The following FAM171B variants were observed in gnomAD, a reference collection of about 807,000 sequenced individuals.
FAM171B encodes the protein protein FAM171B.
Under a neutral mutation model 75.6 loss-of-function variants are expected in FAM171B, and 19 were observed. The ratio of observed to expected loss-of-function variants is 0.25; its 90% confidence interval spans 0.18 to 0.37. The LOEUF (loss-of-function observed/expected upper bound fraction) is 0.37, where lower values mean the gene tolerates loss of function less well. Among genes scored for constraint, FAM171B ranks in the 10% least tolerant of loss-of-function variants. FAM171B has a pLI of 1.00. For missense variants in FAM171B, 848 were observed against 982.4 expected (o/e 0.86, Z 1.83); for synonymous variants, 367 against 361.7 (o/e 1.01, Z -0.17).
chr2:186,709,989 A>C (rs2105774313), intron 1 of FAM171B, among the ~76,000 whole-genome samples: 1 of 152,336 alleles, frequency 6.6e-6, no homozygotes, highest in East Asian at 1.9e-4. Flanking sequence ...AGATTCACTC[A>C]TAGCAAGAGG....
At position 186,738,454 on chromosome 2, in the gene FAM171B, G is replaced by C. The variant is rs538755982; in HGVS notation, c.239-1774G>C. 2.0e-5 allele frequency among the ~76,000 whole-genome samples: 3 copies of C among 152,174 alleles called. No individual in the cohort carries two copies. In the East Asian group the frequency reaches 5.8e-4, roughly 29 times the overall value. On this transcript the variant is annotated intron_variant, in intron 1 of 7. Coordinates refer to ENST00000304698, the MANE Select transcript of FAM171B (RefSeq NM_177454.4). ...CTGGAGTTTTTGTGGGCTTAGAATG[G>C]GGGAGTGCATGCAGAATAGTCCATG...
In FAM171B at chr2:186,742,702, G is replaced by A. The variant is rs539425157; in HGVS notation, c.473-781G>A. On this transcript the variant is annotated intron_variant, in intron 2 of 7. Coordinates refer to ENST00000304698, the MANE Select transcript of FAM171B (RefSeq NM_177454.4). ...TCAAACGAGAACTCGTGCTTTGGGA[G>A]CTCCTCAAAACTGATTTTTCTTTTG... 3.9e-5 allele frequency among the ~76,000 whole-genome samples: 6 copies of A among 152,160 alleles called. 1 individual carries two copies. The highest frequency in any genetic ancestry group is 1.2e-4 in the African/African-American group (5 of 41,436).
At chr2:186,724,714 A>G (rs976653100) in intron 1 of FAM171B, among the ~76,000 whole-genome samples, 18 of 152,274 alleles carry the variant, frequency 1.2e-4, no homozygotes, top group Non-Finnish European at 2.4e-4. Context: ...TTTCAGAGAG[A>G]AGACAATTCT....
chr2:186,735,287 T>C (rs1362156258), intron 1 of FAM171B, among the ~76,000 whole-genome samples: 2 of 152,152 alleles, frequency 1.3e-5, no homozygotes, highest in Non-Finnish European at 2.9e-5. Context: ...GATGAAATCA[T>C]AGGGAGTCAA....
chr2:186,751,426 T>G, intron 5 of FAM171B, 122 bp downstream of exon 5: 2 of 849,700 alleles, frequency 2.4e-6, no homozygotes, highest in Non-Finnish European at 3.3e-6. Flanking sequence ...ATGTATTTGT[T>G]AGTGACCAAA....
chr2:186,712,446 A>G (rs552360583), intron 1 of FAM171B, among the ~76,000 whole-genome samples: 11 of 152,342 alleles, frequency 7.2e-5, no homozygotes, highest in Non-Finnish European at 1.6e-4. Context: ...AGTGCTAGAC[A>G]CATAATAGGT....
chr2:186,761,501 A>G lies in FAM171B; in HGVS notation c.1159A>G (p.Lys387Glu). 6.3e-7 allele frequency: 1 copy of G among 1,581,070 alleles called. No homozygotes were observed. Among genetic ancestry groups the G allele is most frequent in the South Asian group, 1.2e-5 (1 of 84,038 alleles). ...YCRDKCGTPQ[K>E]RERNITKLEV... ...TAGGGACAAGTGTGGTACTCCACAGAAAAGAGAAAGAAATATCACTAAACT... is the reference window on the plus strand; with the variant it reads ...TAGGGACAAGTGTGGTACTCCACAGGAAAGAGAAAGAAATATCACTAAACT... The change falls in exon 8 of 8, where the codon AAA becomes GAA. Residue 387 changes from lysine to glutamate, a missense_variant. Lys to Glu is a moderately conservative substitution (Grantham distance 56). Around this residue, in one of 3 missense-constraint regions of FAM171B, gnomAD observed 665 missense variants for 729.0 expected, o/e 0.91. Transcript: ENST00000304698.
chr2:186,746,834 G>T (rs1315562157), intron 3 of FAM171B, among the ~76,000 whole-genome samples: 1 of 152,202 alleles, frequency 6.6e-6, no homozygotes, highest in Non-Finnish European at 1.5e-5. Context: ...GCTAAAAATG[G>T]TCAGTTTGGG....
Position 186,764,439 on chromosome 2 carries a change from T to C in FAM171B, c.*1616T>C, listed in dbSNP as rs1014189578. 6 of 150,778 alleles carry C rather than the reference T, an allele frequency of 4.0e-5. No homozygotes were observed. The highest frequency in any genetic ancestry group is 1.5e-4 in the African/African-American group (6 of 41,218). The allele number at this position is 150,778 out of a possible 1,614,324, so 9.3% of individuals were successfully genotyped here. ...TTACCCCAATCCATAGAAGAAATAA[T>C]GTTTTGGGTAATACCTAGGCTTCCT... On this transcript the variant is annotated 3_prime_UTR_variant, in exon 8 of 8. Transcript: ENST00000304698.
Position 186,762,654 on chromosome 2 carries a change from T to A in FAM171B, c.2312T>A (p.Ile771Asn). ...RHILDGGSGV[I>N]MEHPGEESPG... ...ATCCTAGATGGAGGGAGTGGAGTGATCATGGAGCACCCTGGAGAAGAGTCG... is the reference window on the plus strand; with the variant it reads ...ATCCTAGATGGAGGGAGTGGAGTGAACATGGAGCACCCTGGAGAAGAGTCG... Residue 771 changes from isoleucine (I) to asparagine (N), a missense_variant, in exon 8 of 8, where the codon ATC (isoleucine) becomes AAC (asparagine). This residue lies in a region of FAM171B where 136 missense variants were observed against 159.3 expected (regional missense o/e 0.85). Transcript: ENST00000304698. This position sits in a 1 kb window ranked among gnomAD's most constrained non-coding sequence, Gnocchi z 4.0. 6.2e-7 allele frequency: 1 copy of A among 1,612,590 alleles called. No homozygotes were observed. The highest frequency in any genetic ancestry group is 8.5e-7 in the Non-Finnish European group (1 of 1,179,546).
chr2:186,730,317 G>A (rs184529981), intron 1 of FAM171B, among the ~76,000 whole-genome samples: 150 of 152,288 alleles, frequency 9.8e-4, no homozygotes, highest in African/African-American at 3.4e-3. Context: ...TCTTACAGGT[G>A]TGTATTAGGA....
chr2:186,695,739 G>A (rs1689569887), intron 1 of FAM171B, among the ~76,000 whole-genome samples: 1 of 152,170 alleles, frequency 6.6e-6, no homozygotes, highest in Admixed American at 6.5e-5. Flanking sequence ...AAGGTATACA[G>A]TGTATGGTGG....
chr2:186,743,493 A>C lies in FAM171B; in HGVS notation c.483A>C (p.Ser161=). The stretch of plus-strand genomic sequence containing the variant: ...TGCTATATTTCACAGTATATTCATC[A>C]GTTACACTTTCACTGTTCCCGCAAA... ...WKTRRMPIYS[S]VTLSLFPQSQ... Residue 161 remains serine (S), a synonymous_variant, in exon 3 of 8, where the codon TCA becomes TCC. Transcript: ENST00000304698. 1 of 1,607,450 alleles carries C rather than the reference A, an allele frequency of 6.2e-7. No homozygotes were observed. Among genetic ancestry groups the C allele is most frequent in the Non-Finnish European group, 8.5e-7 (1 of 1,174,236 alleles).
In FAM171B at chr2:186,762,583, G is replaced by C. The variant is rs1464039641; in HGVS notation, c.2241G>C (p.Glu747Asp). The C allele has an allele frequency of 6.2e-7, 1 of 1,613,472 alleles. No homozygotes were observed. Among genetic ancestry groups the C allele is most frequent in the Admixed American group, 1.7e-5 (1 of 59,914 alleles). The change falls in exon 8 of 8, where the codon GAG (glutamate) becomes GAC (aspartate). Residue 747 changes from glutamate (E) to aspartate (D), a missense_variant. This residue lies in a region of FAM171B where 136 missense variants were observed against 159.3 expected (regional missense o/e 0.85). Coordinates refer to ENST00000304698, the MANE Select transcript of FAM171B (RefSeq NM_177454.4). This position sits in a 1 kb window ranked among gnomAD's most constrained non-coding sequence, Gnocchi z 4.0. ...YLEDLDLSSS[E>D]SGTTVCSPED... is the part of the protein sequence containing the mutation. ...AAGATTTAGACCTAAGCAGCAGTGA[G>C]AGTGGAACCACCGTCTGTTCCCCTG...
chr2:186,737,077 A>G (rs968823650), intron 1 of FAM171B, among the ~76,000 whole-genome samples: 2 of 152,140 alleles, frequency 1.3e-5, no homozygotes, highest in African/African-American at 4.8e-5. Context: ...TATTTTCCTG[A>G]TTTTACATAT....
intron 5 of FAM171B, among the ~76,000 whole-genome samples, chr2:186,753,052 A>G (rs1035949116): frequency 3.9e-5 from 6 of 152,240 alleles, no homozygotes; most frequent in African/African-American, 1.4e-4. Context: ...AGTATATTTA[A>G]TCAGAATATC....
intron 1 of FAM171B, among the ~76,000 whole-genome samples, chr2:186,720,697 G>GTA (rs1689939368): frequency 4.8e-5 from 1 of 20,934 alleles, no homozygotes; most frequent in African/African-American, 1.9e-4. Flanking sequence ...TGTAGATCAT[G>GTA]TACAAAAAAA....
chr2:186,739,671 A>AT (rs1286779890), intron 1 of FAM171B, among the ~76,000 whole-genome samples: 3 of 151,820 alleles, frequency 2.0e-5, no homozygotes, highest in Non-Finnish European at 2.9e-5. Flanking sequence ...CAATGCCTTT[A>AT]TTTTTTTTGG....
At chr2:186,737,506 C>T (rs1690221458) in intron 1 of FAM171B, among the ~76,000 whole-genome samples, 1 of 152,108 alleles carries the variant, frequency 6.6e-6, no homozygotes, top group African/African-American at 2.4e-5. Flanking sequence ...GCCAGTACAC[C>T]CAGCTAATTT....
Sources: allele counts gnomAD v4.1 joint callset (sites outside exome capture counted in the v4.1 genomes callset), GRCh38; gene constraint gnomAD v4.1.1; regional missense constraint gnomAD v4.1.1; non-coding constraint Gnocchi (gnomAD v3.1); transcripts MANE v1.5; gene names NCBI Gene and HGNC (gene_info 2026-07-23, HGNC 2026-07-21).